Variants in SYT9 observed in about 807,000 individuals in gnomAD.
SYT9 encodes synaptotagmin 9, also known as synaptotagmin-9.
Under a neutral mutation model 48.4 loss-of-function variants are expected in SYT9, and 22 were observed. That is an observed-to-expected ratio of 0.45 (90% CI 0.32 to 0.65). The LOEUF (loss-of-function observed/expected upper bound fraction) is 0.65. SYT9 is among the 30% of genes least tolerant of loss of function. The pLI, the probability that SYT9 is intolerant of heterozygous loss-of-function variation, is 0.03. For synonymous variants in SYT9, 265 were observed against 245.0 expected (o/e 1.08, Z -0.76); for missense variants, 577 against 622.0 (o/e 0.93, Z 0.77).
chr11:7,392,791 A>T (rs972830751), intron 3 of SYT9, among the ~76,000 whole-genome samples: 7 of 152,002 alleles, frequency 4.6e-5, no homozygotes, highest in Admixed American at 4.6e-4. Flanking sequence ...AGTTTTTTGT[A>T]GTTCTTCTTG....
chr11:7,349,462 C>T (rs979884457), intron 3 of SYT9, among the ~76,000 whole-genome samples: 1 of 151,546 alleles, frequency 6.6e-6, no homozygotes, highest in South Asian at 2.1e-4. Flanking sequence ...CAGAGAAAGG[C>T]GCAGGCCCAA....
intron 3 of SYT9, among the ~76,000 whole-genome samples, chr11:7,315,211 G>A (rs570455401): frequency 6.6e-6 from 1 of 152,308 alleles, no homozygotes; most frequent in African/African-American, 2.4e-5. Context: ...GGGATACTGG[G>A]GAAGGAATAG....
chr11:7,432,910 C>A (rs982298572), intron 6 of SYT9, among the ~76,000 whole-genome samples: 1 of 151,676 alleles, frequency 6.6e-6, no homozygotes, highest in African/African-American at 2.4e-5. Context: ...TTGTATTTTG[C>A]AATATGGGAA....
At chr11:7,413,414 G>A (rs1276212368) in intron 3 of SYT9, among the ~76,000 whole-genome samples, 1 of 152,190 alleles carries the variant, frequency 6.6e-6, no homozygotes, top group East Asian at 1.9e-4. Flanking sequence ...CCTCTTTGAA[G>A]CAATACCACT....
At position 7,432,309 on chromosome 11, in the gene SYT9, G is replaced by A. The variant is rs1402240707; in HGVS notation, c.1467+11674G>A. 2.0e-5 allele frequency among the ~76,000 whole-genome samples: 3 copies of A among 152,124 alleles called. No homozygotes were observed. The East Asian group carries it at 5.8e-4, about 30-fold the overall frequency. ...CGCCTGTAATCCCAGCACTTTGGGA[G>A]GCCAAGGCAGGTGGATCAGTTGAGG... On this transcript the variant is annotated intron_variant, in intron 6 of 6. Coordinates refer to ENST00000318881, the MANE Select transcript of SYT9 (RefSeq NM_175733.4).
At chr11:7,369,794 A>AAACACACAC (rs1564879657) in intron 3 of SYT9, among the ~76,000 whole-genome samples, 3,353 of 143,842 alleles carry the variant, frequency 0.023, 69 homozygotes, top group African/African-American at 0.053. Flanking sequence ...CACACACACA[A>AAACACACAC]ACACACACAC....
intron 3 of SYT9, among the ~76,000 whole-genome samples, chr11:7,414,898 T>C (rs1331098536): frequency 2.6e-5 from 4 of 152,058 alleles, no homozygotes; most frequent in South Asian, 4.1e-4. Context: ...CCCCAGAGCA[T>C]TGTCAGTAGG....
At chr11:7,343,624 T>C (rs1396242518) in intron 3 of SYT9, among the ~76,000 whole-genome samples, 1 of 152,186 alleles carries the variant, frequency 6.6e-6, no homozygotes, top group Non-Finnish European at 1.5e-5. Flanking sequence ...CCTGTCTTCT[T>C]TGAGCCCTCC....
intron 2 of SYT9, 44 bp downstream of exon 2, chr11:7,303,434 C>A: frequency 6.7e-7 from 1 of 1,493,344 alleles, no homozygotes; most frequent in Non-Finnish European, 9.0e-7. Flanking sequence ...AAGGACCACC[C>A]CATTCCCCTC....
intron 1 of SYT9, among the ~76,000 whole-genome samples, chr11:7,301,981 G>A (rs559424290): frequency 7.2e-5 from 11 of 152,312 alleles, no homozygotes; most frequent in Non-Finnish European, 1.6e-4. Flanking sequence ...ATGCCATGGG[G>A]CTGTGGTCCA....
intron 1 of SYT9, among the ~76,000 whole-genome samples, chr11:7,301,617 A>C (rs1001566531): frequency 1.3e-5 from 2 of 152,236 alleles, no homozygotes; most frequent in Admixed American, 6.5e-5. Flanking sequence ...CTGTGAAGAC[A>C]TGGCGTGCGC....
At chr11:7,359,790 A>T (rs1850095737) in intron 3 of SYT9, among the ~76,000 whole-genome samples, 1 of 145,870 alleles carries the variant, frequency 6.9e-6, no homozygotes, top group African/African-American at 2.5e-5. Context: ...ATTTTCTCCC[A>T]TTTTGTAGGT....
rs758629936 is a variant in SYT9 at position 7,418,051 on chromosome 11, C to T, written c.1260C>T (p.Asn420=). 68 of 1,614,044 alleles carry T rather than the reference C, an allele frequency of 4.2e-5. No homozygotes were observed. The African/African-American group carries it at 5.2e-4, about 12-fold the overall frequency. The change falls in exon 5 of 7, where the codon AAC becomes AAT. Residue 420 remains asparagine (N), a synonymous_variant. Transcript: ENST00000318881. ...TKRNTLNPVY[N]EAIVFDVPPE... ...GGAACACCTTGAATCCTGTTTACAACGAAGCCATAGTCTTTGATGTCCCTC... is the reference window on the plus strand; with the variant it reads ...GGAACACCTTGAATCCTGTTTACAATGAAGCCATAGTCTTTGATGTCCCTC...
At chr11:7,249,293 C>T (rs1847830866), upstream of SYT9, among the ~76,000 whole-genome samples, 1 of 152,162 alleles carries the variant, frequency 6.6e-6, no homozygotes, top group Non-Finnish European at 1.5e-5. Context: ...GTTGCAAGAT[C>T]TTTTCAAGTC....
rs564591673 is a variant in SYT9, at chr11:7,447,276, C to T, written c.1468-19516C>T. Among the ~76,000 whole-genome samples the T allele has an allele frequency of 2.3e-3, 344 of 152,296 alleles. 2 individuals are homozygous for T. The highest frequency in any genetic ancestry group is 7.8e-3 in the African/African-American group (324 of 41,564). On this transcript the variant is annotated intron_variant, in intron 6 of 6. Coordinates refer to ENST00000318881, the MANE Select transcript of SYT9 (RefSeq NM_175733.4). ...TTCTCCATCTTTCTCTCTGGCTCTCCGTGGCTTCCTTTTATAGGTTAGAAC... is the reference window on the plus strand; with the variant it reads ...TTCTCCATCTTTCTCTCTGGCTCTCTGTGGCTTCCTTTTATAGGTTAGAAC...
chr11:7,242,832 G>A (rs1847753117), intron 1 of SYT9, among the ~76,000 whole-genome samples: 1 of 152,108 alleles, frequency 6.6e-6, no homozygotes. Flanking sequence ...AATCACCTGA[G>A]GTCAGGAGTT....
At chr11:7,446,042 G>A (rs960442223) in intron 6 of SYT9, among the ~76,000 whole-genome samples, 3 of 152,228 alleles carry the variant, frequency 2.0e-5, no homozygotes, top group African/African-American at 7.2e-5. Context: ...CATAAGCCGC[G>A]TCTATGTGGG....
At chr11:7,395,202 C>A (rs1038498153) in intron 3 of SYT9, among the ~76,000 whole-genome samples, 9 of 151,968 alleles carry the variant, frequency 5.9e-5, no homozygotes, top group African/African-American at 2.2e-4. Context: ...CCACTGTGGT[C>A]TGAAAAAATG....
chr11:7,422,220 C>A (rs1847369597), intron 6 of SYT9, among the ~76,000 whole-genome samples: 1 of 152,164 alleles, frequency 6.6e-6, no homozygotes, highest in Admixed American at 6.5e-5. Flanking sequence ...CAAACCCAGA[C>A]AGGGGAACCA....
Sources: allele counts gnomAD v4.1 joint callset (sites outside exome capture counted in the v4.1 genomes callset), GRCh38; gene constraint gnomAD v4.1.1; transcripts MANE v1.5; gene names NCBI Gene and HGNC (gene_info 2026-07-23, HGNC 2026-07-21).